The following FLRT1 variants were observed in gnomAD, a reference collection of about 807,000 sequenced individuals.
The protein encoded by FLRT1 is fibronectin leucine rich transmembrane protein 1, also known as leucine-rich repeat transmembrane protein FLRT1.
A neutral mutation model predicts 30.9 loss-of-function variants in FLRT1; 14 were observed. That is an observed-to-expected ratio of 0.45 (90% CI 0.30 to 0.71). The LOEUF (loss-of-function observed/expected upper bound fraction) is 0.71. Ranked by LOEUF, FLRT1 falls within the 30% of genes least tolerant of loss-of-function variation. The probability of loss-of-function intolerance (pLI) is 0.08; values close to 1 mark genes in which losing one functional copy is unlikely to be tolerated. For missense variants in FLRT1, 737 were observed against 949.2 expected (o/e 0.78, Z 2.94); for synonymous variants, 368 against 430.4 (o/e 0.85, Z 1.80).
chr11:64,054,673 T>G (rs1476873532), intron 1 of FLRT1, among the ~76,000 whole-genome samples: 1 of 151,996 alleles, frequency 6.6e-6, no homozygotes. Flanking sequence ...CAACCTCACC[T>G]CCTGCTTTTT....
At chr11:64,106,259 T>C (rs1944761978) in intron 2 of FLRT1, among the ~76,000 whole-genome samples, 1 of 152,132 alleles carries the variant, frequency 6.6e-6, no homozygotes, top group African/African-American at 2.4e-5. Flanking sequence ...TTTGCCTCTT[T>C]GGGCTGCTGT....
intron 2 of FLRT1, among the ~76,000 whole-genome samples, chr11:64,113,700 T>G (rs553672012): frequency 1.2e-4 from 17 of 147,214 alleles, no homozygotes; most frequent in African/African-American, 4.3e-4. Context: ...GGTGGATGGA[T>G]GGACGGACAG....
At position 64,077,004 on chromosome 11, in the gene FLRT1, C is replaced by A. The variant is rs76464232; in HGVS notation, c.-1037-26190C>A. ...GCTGAGTGACGGATGGGAGCTGTCG[C>A]TAGGCCCTTGAGCTGTGGGGAGTAG... is the stretch of plus-strand genomic sequence containing the variant. On this transcript the variant is annotated intron_variant, in intron 1 of 2. Transcript: ENST00000682287. Among the ~76,000 whole-genome samples, 38 of 151,734 alleles carry A rather than the reference C, an allele frequency of 2.5e-4. No homozygotes were observed. The East Asian group carries it at 7.5e-3, about 30-fold the overall frequency.
Position 64,082,225 on chromosome 11 carries a change from G to A in FLRT1, c.-1037-20969G>A, listed in dbSNP as rs1944316802. ...CATCCCTTAAATATTGGTGCTCTCG[G>A]CAGCACTGGGCCCCTGCTTAGCAGA... On this transcript the variant is annotated intron_variant, in intron 1 of 2. Transcript: ENST00000682287. The surrounding 1 kb of genome is among the most constrained non-coding windows in gnomAD (Gnocchi z 4.5). 6.6e-6 allele frequency among the ~76,000 whole-genome samples: 1 copy of A among 152,174 alleles called. No homozygotes were observed. The highest frequency in any genetic ancestry group is 6.5e-5 in the Admixed American group (1 of 15,286).
chr11:64,111,493 G>T (rs902169519), intron 2 of FLRT1, among the ~76,000 whole-genome samples: 1 of 152,176 alleles, frequency 6.6e-6, no homozygotes, highest in Non-Finnish European at 1.5e-5. Flanking sequence ...TAACCTTCAC[G>T]AGCCTGGCTC....
At chr11:64,105,937 C>T (rs112599876) in intron 2 of FLRT1, among the ~76,000 whole-genome samples, 1,433 of 123,168 alleles carry the variant, frequency 0.012, 15 homozygotes, top group African/African-American at 0.042. Context: ...ATTCCAGGGT[C>T]CTGAGTGGTG....
intron 1 of FLRT1, among the ~76,000 whole-genome samples, chr11:64,076,644 G>GGC (rs1283066252): frequency 3.9e-5 from 6 of 152,206 alleles, no homozygotes; most frequent in Admixed American, 3.9e-4. Context: ...AGGAAGCTGA[G>GGC]GCACAGAGAG....
intron 1 of FLRT1, among the ~76,000 whole-genome samples, chr11:64,079,728 T>C (rs1259790845): frequency 1.3e-5 from 2 of 150,736 alleles, no homozygotes; most frequent in Admixed American, 1.3e-4. Flanking sequence ...AGGGAGAGAG[T>C]GGGGCGCACG....
At chr11:64,056,126 A>C (rs1471154269) in intron 1 of FLRT1, among the ~76,000 whole-genome samples, 4 of 152,118 alleles carry the variant, frequency 2.6e-5, no homozygotes, top group Non-Finnish European at 4.4e-5. Context: ...GGCAATAAGC[A>C]GCCCCGGCAG....
intron 2 of FLRT1, among the ~76,000 whole-genome samples, chr11:64,111,674 G>C (rs1944865584): frequency 6.6e-6 from 1 of 152,146 alleles, no homozygotes; most frequent in Non-Finnish European, 1.5e-5. Flanking sequence ...GTGAGGTCTG[G>C]CCAGAGAGGT....
At chr11:64,085,278 C>A (rs559269707) in intron 1 of FLRT1, among the ~76,000 whole-genome samples, 1 of 152,298 alleles carries the variant, frequency 6.6e-6, no homozygotes, top group East Asian at 1.9e-4. Flanking sequence ...TGGTTCCTGG[C>A]CAGAGCTGAT....
Position 64,117,487 on chromosome 11 carries a change from G to T in FLRT1, c.1220G>T (p.Gly407Val), listed in dbSNP as rs781403833. Residue 407 changes from glycine (G) to valine (V), a missense_variant, in exon 3 of 3, where the codon GGT becomes GTT. By Grantham distance (109) the Gly-to-Val change is moderately radical (BLOSUM62 -3). Coordinates refer to ENST00000682287, the MANE Select transcript of FLRT1 (RefSeq NM_013280.5). ...SNHASATTPQ[G>V]SLFTLKAKRP... ...CACGCCTCTGCCACCACGCCCCAGG[G>T]TTCCCTGTTTACCCTCAAGGCCAAA... 4 of 1,612,232 alleles carry T rather than the reference G, an allele frequency of 2.5e-6. No homozygotes were observed. The South Asian group carries it at 4.4e-5, about 18-fold the overall frequency.
At chr11:64,080,095 C>T (rs1357537772) in intron 1 of FLRT1, among the ~76,000 whole-genome samples, 1 of 152,214 alleles carries the variant, frequency 6.6e-6, no homozygotes, top group African/African-American at 2.4e-5. Flanking sequence ...TCACTGCAAC[C>T]TCCGCCTCCC....
At chr11:64,068,027 G>A (rs760888591) in intron 1 of FLRT1, among the ~76,000 whole-genome samples, 19 of 152,284 alleles carry the variant, frequency 1.2e-4, no homozygotes, top group Non-Finnish European at 2.1e-4. Context: ...CGGTCTTGGG[G>A]GTTATTTAAC....
At chr11:64,041,199 TAAAAAAAAAAAAAAAAAAAA>T (rs71045724) in intron 1 of FLRT1, among the ~76,000 whole-genome samples, 2 of 21,600 alleles carry the variant, frequency 9.3e-5, no homozygotes, top group Non-Finnish European at 8.6e-5. Flanking sequence ...TAGCAAACTG[TAAAAAAAAAAAAAAAAAAAA>T]AAAAAAAAAA....
chr11:64,041,327 T>C (rs911192239), intron 1 of FLRT1, among the ~76,000 whole-genome samples: 1 of 149,132 alleles, frequency 6.7e-6, no homozygotes, highest in African/African-American at 2.5e-5. Context: ...CTTGAACCAT[T>C]CCTGCTGCCC....
intron 2 of FLRT1, among the ~76,000 whole-genome samples, chr11:64,113,514 T>C (rs548242346): frequency 6.0e-5 from 8 of 132,240 alleles, no homozygotes; most frequent in African/African-American, 2.3e-4. Flanking sequence ...GGATGGATAA[T>C]TGGATGGATG....
rs1452251502 is a variant in FLRT1 at position 64,041,776 on chromosome 11, G to C, written c.-1038+5617G>C. On this transcript the variant is annotated intron_variant, in intron 1 of 2. Transcript: ENST00000682287. ...CACTTCTCTCTGGTCAGACCAGAGG[G>C]GGCCTGGCTTTGGTTCAGGGAATCT... Among the ~76,000 whole-genome samples the C allele has an allele frequency of 2.6e-5, 4 of 152,318 alleles. No individual in the cohort carries two copies. The East Asian group carries it at 7.7e-4, about 29-fold the overall frequency.
At position 64,094,977 on chromosome 11, in the gene FLRT1, C is replaced by G. The variant is rs535508507; in HGVS notation, c.-1037-8217C>G. Among the ~76,000 whole-genome samples, 9 of 152,318 alleles carry G rather than the reference C, an allele frequency of 5.9e-5. No homozygotes were observed. In the South Asian group the frequency reaches 1.9e-3, roughly 32 times the overall value. On this transcript the variant is annotated intron_variant, in intron 1 of 2. Coordinates refer to ENST00000682287, the MANE Select transcript of FLRT1 (RefSeq NM_013280.5). ...CCAGGAGTGAAAGTACTAGGGGCCT[C>G]GTTAGCTGTGGCTTCAAAGAGCCTC...
Sources: allele counts gnomAD v4.1 joint callset (sites outside exome capture counted in the v4.1 genomes callset), GRCh38; gene constraint gnomAD v4.1.1; non-coding constraint Gnocchi (gnomAD v3.1); transcripts MANE v1.5; gene names NCBI Gene and HGNC (gene_info 2026-07-23, HGNC 2026-07-21).